KATNIP: variants seen among roughly 807,000 people sequenced by gnomAD.
KATNIP encodes katanin interacting protein, also known as katanin-interacting protein.
A neutral mutation model predicts 174.0 loss-of-function variants in KATNIP; 126 were observed. The observed-to-expected ratio is 0.72, with a 90% CI of 0.63 to 0.84. The LOEUF (loss-of-function observed/expected upper bound fraction) is 0.84, where lower values mean the gene tolerates loss of function less well. Ranked by LOEUF, KATNIP falls within the 40% of genes least tolerant of loss-of-function variation. KATNIP has a pLI of 0.00. For missense variants in KATNIP, 1,958 were observed against 2,109.7 expected (o/e 0.93, Z 1.41); for synonymous variants, 810 against 835.7 (o/e 0.97, Z 0.53).
At chr16:27,734,219 ATT>A (rs1355686993) in intron 14 of KATNIP, among the ~76,000 whole-genome samples, 2 of 151,764 alleles carry the variant, frequency 1.3e-5, no homozygotes, top group African/African-American at 4.8e-5. Flanking sequence ...AGTAGCTGAG[ATT>A]ATAGGTGCCT....
chr16:27,563,988 A>C (rs1450190281), intron 1 of KATNIP, among the ~76,000 whole-genome samples: 4 of 147,092 alleles, frequency 2.7e-5, no homozygotes, highest in Non-Finnish European at 6.0e-5. Context: ...ACTTGAGCCC[A>C]GTAGGTCGAG....
Position 27,751,900 on chromosome 16 carries a change from G to A in KATNIP, c.3528G>A (p.Gln1176=). 1 of 1,611,594 alleles carries A rather than the reference G, an allele frequency of 6.2e-7. No homozygotes were observed. Among genetic ancestry groups the A allele is most frequent in the East Asian group, 2.2e-5 (1 of 44,872 alleles). Residue 1176 remains glutamine, a synonymous_variant, in exon 17 of 28, where the codon CAG becomes CAA. Transcript: ENST00000261588. ...AGGGGGATGAGCGGCCCTTCACCCAGGCTGGCTTGGGGGCTGATGAACGGG... is the reference window on the plus strand; with the variant it reads ...AGGGGGATGAGCGGCCCTTCACCCAAGCTGGCTTGGGGGCTGATGAACGGG... ...DGEGDERPFT[Q]AGLGADERIP...
At chr16:27,739,967 AT>A in intron 14 of KATNIP, 73 bp from the exon 15 acceptor site, 2 of 1,468,646 alleles carry the variant, frequency 1.4e-6, no homozygotes, top group Non-Finnish European at 1.8e-6. Context: ...TTTTTTTGGT[AT>A]CTTCGACTTC....
intron 8 of KATNIP, among the ~76,000 whole-genome samples, chr16:27,694,776 A>G (rs983779509): frequency 1.3e-5 from 2 of 151,232 alleles, no homozygotes; most frequent in Non-Finnish European, 2.9e-5. Flanking sequence ...AGCCTGGACA[A>G]GGGAGACCCT....
chr16:27,734,916 A>G (rs1316214120), intron 14 of KATNIP, among the ~76,000 whole-genome samples: 1 of 152,212 alleles, frequency 6.6e-6, no homozygotes, highest in African/African-American at 2.4e-5. Context: ...CAGTTTCTCC[A>G]TCCATAAGAT....
At chr16:27,623,133 G>A (rs1259794415) in intron 3 of KATNIP, among the ~76,000 whole-genome samples, 2 of 152,094 alleles carry the variant, frequency 1.3e-5, no homozygotes, top group Admixed American at 6.5e-5. Context: ...CCCCAGTTGC[G>A]AGCCAGTGCT....
At chr16:27,566,325 G>C (rs2090086800) in intron 1 of KATNIP, among the ~76,000 whole-genome samples, 1 of 152,106 alleles carries the variant, frequency 6.6e-6, no homozygotes, top group African/African-American at 2.4e-5. Flanking sequence ...GATCACCTGA[G>C]GTCAGGAGTT....
chr16:27,556,598 T>C (rs2089638402), intron 1 of KATNIP, among the ~76,000 whole-genome samples: 1 of 152,230 alleles, frequency 6.6e-6, no homozygotes, highest in Non-Finnish European at 1.5e-5. Context: ...TAATTAATAA[T>C]GCCAAGATGA....
chr16:27,576,283 C>G (rs989728762), intron 2 of KATNIP, among the ~76,000 whole-genome samples: 1 of 152,178 alleles, frequency 6.6e-6, no homozygotes, highest in African/African-American at 2.4e-5. Context: ...GATCATTTCT[C>G]TCCTGGGAAG....
At position 27,634,159 on chromosome 16, in the gene KATNIP, G is replaced by C. The variant is rs557763136; in HGVS notation, c.408+2997G>C. Among the ~76,000 whole-genome samples the C allele has an allele frequency of 6.6e-5, 10 of 152,262 alleles. No individual in the cohort carries two copies. In the South Asian group the frequency reaches 1.9e-3, roughly 28 times the overall value. Reference sequence around the variant, plus strand: ...GTGCAATTTAAAAAACTTGGCCTAAGATTAATTAGCATCCTCCTCAGTCTC... The same window carrying C: ...GTGCAATTTAAAAAACTTGGCCTAACATTAATTAGCATCCTCCTCAGTCTC... On this transcript the variant is annotated intron_variant, in intron 5 of 27. Transcript: ENST00000261588.
intron 8 of KATNIP, chr16:27,685,332 A>C (rs1407330382): frequency 6.6e-6 from 1 of 152,208 alleles, no homozygotes; most frequent in East Asian, 1.9e-4. Flanking sequence ...CAGAGGTTGC[A>C]GTGAGCTGAG....
rs376325494 is a variant in KATNIP at position 27,750,235 on chromosome 16, T to C, written c.3275T>C (p.Ile1092Thr). ...RIHSFRGVKD[I>T]TMLLDTQCIF... is the part of the protein sequence containing the mutation. Reference sequence around the variant, plus strand: ...CATTCCTTCCGAGGCGTGAAGGACATCACAATGCTGTTAGACACCCAGTGC... The same window carrying C: ...CATTCCTTCCGAGGCGTGAAGGACACCACAATGCTGTTAGACACCCAGTGC... The change falls in exon 16 of 28, where the codon ATC becomes ACC. Residue 1092 changes from isoleucine (I) to threonine (T), a missense_variant. Ile to Thr is a moderately conservative substitution (Grantham distance 89). Transcript: ENST00000261588. 3.3e-5 allele frequency: 54 copies of C among 1,614,024 alleles called. No individual in the cohort carries two copies. The African/African-American group carries it at 6.4e-4, about 19-fold the overall frequency.
chr16:27,572,391 A>ACACACACT (rs2090339535), intron 1 of KATNIP, among the ~76,000 whole-genome samples: 4 of 151,806 alleles, frequency 2.6e-5, no homozygotes, highest in Admixed American at 6.6e-5. Context: ...ACACACACAC[A>ACACACACT]CACACACAAT....
rs540128607 is a variant in KATNIP, at chr16:27,647,978, C to A, written c.409-626C>A. On this transcript the variant is annotated intron_variant, in intron 5 of 27. Coordinates refer to ENST00000261588, the MANE Select transcript of KATNIP (RefSeq NM_015202.5). ...CAAGTCCTTTTTGAGAAGTTTAGCA[C>A]CTACTAGAAGTCTACTGATAAAGAA... 3.9e-5 allele frequency among the ~76,000 whole-genome samples: 6 copies of A among 152,220 alleles called. No individual in the cohort carries two copies. The South Asian group carries it at 1.2e-3, about 32-fold the overall frequency.
rs915815334 is a variant in KATNIP at position 27,648,655 on chromosome 16, C to A, written c.460C>A (p.Pro154Thr). ...EAGPRLHIEP[P>T]VDYSDDFELC... is the part of the protein sequence containing the mutation. ...TGGCCCACGGCTCCACATCGAACCT[C>A]CTGTGGACTATTCTGATGATTTTGA... The change falls in exon 6 of 28, where the codon CCT becomes ACT. Residue 154 changes from proline to threonine, a missense_variant. Physicochemically the swap from Pro to Thr is conservative, Grantham distance 38. Around this residue, in one of 3 missense-constraint regions of KATNIP, gnomAD observed 1,557 missense variants for 1,617.8 expected, o/e 0.96. Coordinates refer to ENST00000261588, the MANE Select transcript of KATNIP (RefSeq NM_015202.5). 2.5e-6 allele frequency: 4 copies of A among 1,614,208 alleles called. No individual in the cohort carries two copies. The highest frequency in any genetic ancestry group is 3.4e-6 in the Non-Finnish European group (4 of 1,180,010).
chr16:27,673,925 A>G (rs375712609), intron 6 of KATNIP, among the ~76,000 whole-genome samples: 7 of 152,244 alleles, frequency 4.6e-5, no homozygotes, highest in African/African-American at 1.2e-4. Context: ...AATGGAATCT[A>G]TTCAGTCATT....
intron 5 of KATNIP, among the ~76,000 whole-genome samples, chr16:27,645,709 G>A (rs1305727430): frequency 6.6e-6 from 1 of 152,208 alleles, no homozygotes; most frequent in Non-Finnish European, 1.5e-5. Flanking sequence ...CAAGATGACT[G>A]CTGTGTTCCC....
At chr16:27,760,272 C>T (rs1449442984) in intron 18 of KATNIP, among the ~76,000 whole-genome samples, 1 of 152,086 alleles carries the variant, frequency 6.6e-6, no homozygotes, top group Non-Finnish European at 1.5e-5. Flanking sequence ...CTAAAATATG[C>T]GGCAAATTCT....
At chr16:27,597,877 G>A (rs1194897130) in intron 2 of KATNIP, among the ~76,000 whole-genome samples, 1 of 152,160 alleles carries the variant, frequency 6.6e-6, no homozygotes, top group Non-Finnish European at 1.5e-5. Context: ...GGGTTGGAAG[G>A]TGGGACCAGG....
Sources: gnomAD v4.1 joint callset for allele counts (sites outside exome capture counted in the v4.1 genomes callset) on GRCh38, gnomAD v4.1.1 for gene constraint, gnomAD v4.1.1 regional missense constraint, MANE v1.5 for transcripts, NCBI Gene and HGNC (gene_info 2026-07-23, HGNC 2026-07-21) for gene names.